The following PPP2R5A variants were observed in gnomAD, a reference collection of about 807,000 sequenced individuals.
The protein encoded by PPP2R5A is protein phosphatase 2 regulatory subunit B'alpha, also known as serine/threonine-protein phosphatase 2A 56 kDa regulatory subunit alpha isoform.
PPP2R5A carries 25 observed loss-of-function variants against 64.2 expected under a neutral mutation model. That is an observed-to-expected ratio of 0.39 (90% confidence interval 0.28 to 0.54). PPP2R5A has a LOEUF of 0.54. PPP2R5A is among the 20% of genes least tolerant of loss of function. The probability of loss-of-function intolerance (pLI) is 0.67; values close to 1 mark genes in which losing one functional copy is unlikely to be tolerated. For missense variants in PPP2R5A, 425 were observed against 576.3 expected, an observed-to-expected ratio of 0.74 and a Z score of 2.69; for synonymous variants, 198 against 201.2, an observed-to-expected ratio of 0.98 and a Z score of 0.13.
chr1:212,313,168 C>T lies in PPP2R5A; in HGVS notation c.182-15967C>T, dbSNP rs115487763. On this transcript the variant is annotated intron_variant, in intron 1 of 12. Transcript: ENST00000261461. ...AGCCCTAGCAGATAGGGAGCTGGTG[C>T]GATTGTGGGGCTTTGTTTTCCTTCC... Among the ~76,000 whole-genome samples the T allele has an allele frequency of 3.7e-3, 563 of 152,232 alleles. 4 individuals are homozygous for T. The highest frequency in any genetic ancestry group is 0.013 in the African/African-American group (538 of 41,530).
chr1:212,325,286 A>AC (rs1365501837), intron 1 of PPP2R5A, among the ~76,000 whole-genome samples: 1 of 152,176 alleles, frequency 6.6e-6, no homozygotes, highest in African/African-American at 2.4e-5. Context: ...ATCCTGACCT[A>AC]CCTAAGGGAA....
At chr1:212,326,261 A>G (rs1362757388) in intron 1 of PPP2R5A, among the ~76,000 whole-genome samples, 1 of 149,044 alleles carries the variant, frequency 6.7e-6, no homozygotes, top group Non-Finnish European at 1.5e-5. Flanking sequence ...TTTTTTAAGG[A>G]TACATAAAAA....
chr1:212,348,351 A>AACT (rs1659820078), intron 6 of PPP2R5A, 38 bp from the exon 7 acceptor site: 1 of 1,298,082 alleles, frequency 7.7e-7, no homozygotes, highest in Admixed American at 1.7e-5. Context: ...ACAAAGTAGT[A>AACT]ACTACTTAAC....
At chr1:212,343,366 T>C (rs981763854) in intron 4 of PPP2R5A, among the ~76,000 whole-genome samples, 3 of 152,224 alleles carry the variant, frequency 2.0e-5, no homozygotes, top group African/African-American at 4.8e-5. Context: ...AGGAATTTGA[T>C]GCTGAGGCCA....
intron 1 of PPP2R5A, chr1:212,302,063 G>C: frequency 6.5e-7 from 1 of 1,528,416 alleles, no homozygotes; most frequent in Non-Finnish European, 8.8e-7. Context: ...AATGAAGAAG[G>C]GCAAGAAGAG....
intron 1 of PPP2R5A, among the ~76,000 whole-genome samples, chr1:212,304,905 G>A (rs1235265565): frequency 1.3e-5 from 2 of 151,212 alleles, no homozygotes; most frequent in African/African-American, 4.9e-5. Flanking sequence ...GCTAATTTTT[G>A]TATTGTTAGT....
intron 1 of PPP2R5A, among the ~76,000 whole-genome samples, chr1:212,300,629 AT>A (rs1658784988): frequency 6.6e-6 from 1 of 152,118 alleles, no homozygotes; most frequent in African/African-American, 2.4e-5. Flanking sequence ...ATAGCCTATT[AT>A]TTTCTGTTAA....
At position 212,361,038 on chromosome 1, in the gene PPP2R5A, G is replaced by A. The variant is rs1032855214; in HGVS notation, c.*268G>A. The A allele has an allele frequency of 8.6e-5, 20 of 232,168 alleles. No individual in the cohort carries two copies. Among genetic ancestry groups the A allele is most frequent in the South Asian group, 1.7e-4 (1 of 5,830 alleles). The allele number at this position is 232,168 out of a possible 1,614,324, so 14.4% of individuals were successfully genotyped here. On this transcript the variant is annotated 3_prime_UTR_variant, in exon 13 of 13. Transcript: ENST00000261461. ...ATGAATTTTATCATCTATGATATGA[G>A]TGAGATAATTATGGGAGTGGTAAGA...
chr1:212,297,580 G>GTC (rs1459319191), intron 1 of PPP2R5A: 1 of 152,172 alleles, frequency 6.6e-6, no homozygotes, highest in African/African-American at 2.4e-5. Context: ...CTGTAGTATA[G>GTC]TCTTAGGCTA....
Position 212,333,505 on chromosome 1 carries a change from T to C in PPP2R5A, c.387T>C (p.Ala129=). 1 of 1,584,870 alleles carries C rather than the reference T, an allele frequency of 6.3e-7. No homozygotes were observed. Among genetic ancestry groups the C allele is most frequent in the Admixed American group, 1.8e-5 (1 of 55,772 alleles). The change falls in exon 3 of 13, where the codon GCT becomes GCC. Residue 129 remains alanine (A), a synonymous_variant. Coordinates refer to ENST00000261461, the MANE Select transcript of PPP2R5A (RefSeq NM_006243.4). ...TTATTTTTTCTTTACAGATCAGTGC[T>C]AACATCTTCCGTACACTTCCTCCAA... ...AYSDIVKMIS[A]NIFRTLPPSD... is the part of the protein sequence containing the mutation.
Position 212,361,599 on chromosome 1 carries a change from G to A in PPP2R5A, c.*829G>A, listed in dbSNP as rs2102453550. 6.5e-6 allele frequency: 1 copy of A among 152,800 alleles called. No homozygotes were observed. Among genetic ancestry groups the A allele is most frequent in the Middle Eastern group, 3.4e-3 (1 of 294 alleles). The allele number at this position is 152,800 out of a possible 1,614,324, so 9.5% of individuals were successfully genotyped here. On this transcript the variant is annotated 3_prime_UTR_variant, in exon 13 of 13. Transcript: ENST00000261461. ...AGGGATGGAGGCTTTGAGTCCCACA[G>A]TGTGGTGATACAGAGCACTAGTTGT...
At chr1:212,334,642 G>C (rs1314606211) in intron 3 of PPP2R5A, among the ~76,000 whole-genome samples, 1 of 152,150 alleles carries the variant, frequency 6.6e-6, no homozygotes, top group Non-Finnish European at 1.5e-5. Flanking sequence ...TTTTGAAGGA[G>C]AGTTTTGCTG....
chr1:212,286,491 T>TG (rs1193788371), intron 1 of PPP2R5A, among the ~76,000 whole-genome samples, 200 bp downstream of exon 1: 1 of 152,192 alleles, frequency 6.6e-6, no homozygotes, highest in African/African-American at 2.4e-5. Flanking sequence ...TCTTGGCTGT[T>TG]TCCTTCTAAT....
Position 212,357,053 on chromosome 1 carries a change from C to A in PPP2R5A, c.1082C>A (p.Ser361Tyr). 1.2e-6 allele frequency: 2 copies of A among 1,609,358 alleles called. No individual in the cohort carries two copies. The highest frequency in any genetic ancestry group is 1.7e-5 in the Admixed American group (1 of 59,270). The change falls in exon 10 of 13, where the codon TCC becomes TAC. Residue 361 changes from serine to tyrosine, a missense_variant. Transcript: ENST00000261461. ...PLFKQISKCV[S>Y]SSHFQVAERA... Reference sequence around the variant, plus strand: ...TTCAAGCAGATATCCAAGTGTGTATCCAGTTCTCATTTTCAGGTATGATGT... The same window carrying A: ...TTCAAGCAGATATCCAAGTGTGTATACAGTTCTCATTTTCAGGTATGATGT...
intron 2 of PPP2R5A, among the ~76,000 whole-genome samples, chr1:212,332,336 G>C (rs1412776205): frequency 6.6e-6 from 1 of 152,132 alleles, no homozygotes; most frequent in African/African-American, 2.4e-5. Flanking sequence ...GGAATAGTTT[G>C]TCTCAAAATG....
chr1:212,339,368 G>T (rs1271526260), intron 3 of PPP2R5A, among the ~76,000 whole-genome samples: 1 of 152,070 alleles, frequency 6.6e-6, no homozygotes, highest in Admixed American at 6.6e-5. Context: ...GTAGAGACGG[G>T]ATTTCTGCAT....
chr1:212,321,321 G>GCTA, intron 1 of PPP2R5A, among the ~76,000 whole-genome samples: 1 of 141,300 alleles, frequency 7.1e-6, no homozygotes, highest in East Asian at 2.2e-4. Context: ...GCGAGGGGCT[G>GCTA]ACCCCCCCAC....
At chr1:212,308,256 C>G (rs905882363) in intron 1 of PPP2R5A, among the ~76,000 whole-genome samples, 2 of 152,094 alleles carry the variant, frequency 1.3e-5, no homozygotes, top group Non-Finnish European at 2.9e-5. Flanking sequence ...TTGAAAGTAA[C>G]TAGTTGTTTT....
intron 1 of PPP2R5A, among the ~76,000 whole-genome samples, chr1:212,296,351 C>A (rs1302090108): frequency 6.6e-6 from 1 of 152,102 alleles, no homozygotes; most frequent in Non-Finnish European, 1.5e-5. Context: ...CAAAGAGTGC[C>A]CATTTGTTAA....
Sources: allele counts gnomAD v4.1 joint callset (sites outside exome capture counted in the v4.1 genomes callset), GRCh38; gene constraint gnomAD v4.1.1; transcripts MANE v1.5; gene names NCBI Gene and HGNC (gene_info 2026-07-23, HGNC 2026-07-21).